The following FMN2 variants were observed in gnomAD, a reference collection of about 807,000 sequenced individuals.
FMN2 encodes formin 2, also known as formin-2.
In FMN2, 51 loss-of-function variants were observed where a neutral mutation model predicts 142.3. The observed-to-expected ratio is 0.36, with a 90% CI of 0.29 to 0.45. FMN2 has a LOEUF of 0.45. Among genes scored for constraint, FMN2 ranks in the 20% least tolerant of loss-of-function variants. FMN2 has a pLI of 1.00. For synonymous variants in FMN2, 882 were observed against 869.8 expected, an observed-to-expected ratio of 1.01 and a Z score of -0.25; for missense variants, 1,936 against 2,122.8, an observed-to-expected ratio of 0.91 and a Z score of 1.73.
chr1:240,446,767 T>A (rs945514), intron 16 of FMN2, among the ~76,000 whole-genome samples: 75,626 of 151,910 alleles, frequency 0.5, 19,296 homozygotes, highest in Admixed American at 0.57. Flanking sequence ...ATTTTTAAGA[T>A]AATCAAAAAC....
chr1:240,455,439 C>G (rs1676207886), intron 16 of FMN2, among the ~76,000 whole-genome samples: 1 of 152,082 alleles, frequency 6.6e-6, no homozygotes, highest in Non-Finnish European at 1.5e-5. Context: ...ATAACAATTG[C>G]TGAAGATGGT....
chr1:240,116,315 A>G (rs1326725471), intron 1 of FMN2, among the ~76,000 whole-genome samples: 2 of 152,174 alleles, frequency 1.3e-5, no homozygotes, highest in African/African-American at 4.8e-5. Flanking sequence ...GTGCGTTCAC[A>G]AAGGTCTGCC....
chr1:240,389,271 T>A (rs1307050032), intron 14 of FMN2, among the ~76,000 whole-genome samples: 1 of 152,190 alleles, frequency 6.6e-6, no homozygotes. Flanking sequence ...CATTAGAGAT[T>A]ATCTGAAAAT....
At chr1:240,156,009 C>A (rs1175117201) in intron 2 of FMN2, among the ~76,000 whole-genome samples, 1 of 151,712 alleles carries the variant, frequency 6.6e-6, no homozygotes, top group Non-Finnish European at 1.5e-5. Context: ...GAGCCTGAGG[C>A]AGGAGAATCC....
chr1:240,205,376 T>C (rs1255596975), intron 4 of FMN2, among the ~76,000 whole-genome samples: 1 of 151,544 alleles, frequency 6.6e-6, no homozygotes, highest in Non-Finnish European at 1.5e-5. Context: ...TCTTCCTTTC[T>C]CTCTATCAAT....
chr1:240,413,522 A>G (rs1393865386), intron 15 of FMN2, among the ~76,000 whole-genome samples: 1 of 152,162 alleles, frequency 6.6e-6, no homozygotes, highest in Admixed American at 6.5e-5. Flanking sequence ...TGGCTTAGGA[A>G]AGGCTAATAG....
rs189239186 is a variant in FMN2, at chr1:240,329,060, G to C, written c.4216-16G>C. On this transcript the variant is annotated splice_polypyrimidine_tract_variant and intron_variant, in intron 8 of 17. Transcript: ENST00000319653. The stretch of plus-strand genomic sequence containing the variant: ...TGGCCAGACTTTGAAAAACTATTTG[G>C]TTTTTGTTTTTCTAGAGAGCACAGT... The C allele has an allele frequency of 6.2e-7, 1 of 1,610,516 alleles. No individual in the cohort carries two copies. Among genetic ancestry groups the C allele is most frequent in the East Asian group, 2.2e-5 (1 of 44,762 alleles).
At chr1:240,106,872 C>T (rs370533245) in intron 1 of FMN2, among the ~76,000 whole-genome samples, 4 of 151,464 alleles carry the variant, frequency 2.6e-5, no homozygotes, top group Middle Eastern at 3.2e-3. Context: ...TTAGTAGAGA[C>T]GAGGTTTCAC....
At position 240,228,180 on chromosome 1, in the gene FMN2, A is replaced by G. The variant is rs551327027; in HGVS notation, c.4065+16945A>G. Among the ~76,000 whole-genome samples the G allele has an allele frequency of 2.0e-5, 3 of 151,458 alleles. No individual in the cohort carries two copies. In the South Asian group the frequency reaches 6.3e-4, roughly 32 times the overall value. On this transcript the variant is annotated intron_variant, in intron 6 of 17. Transcript: ENST00000319653. Reference sequence around the variant, plus strand: ...TAGCTAGGTGTGGTGGCACATGCCTATAATCCCAGCTACTCGGGAGTCTGA... The same window carrying G: ...TAGCTAGGTGTGGTGGCACATGCCTGTAATCCCAGCTACTCGGGAGTCTGA...
chr1:240,190,769 G>T (rs2124724), intron 4 of FMN2, among the ~76,000 whole-genome samples: 97,589 of 152,042 alleles, frequency 0.64, 32,353 homozygotes, highest in African/African-American at 0.81. Flanking sequence ...TTTATTATAT[G>T]TAAACTCTAC....
intron 16 of FMN2, among the ~76,000 whole-genome samples, chr1:240,439,279 A>AAAAAAAAAAAAAAGAAAGAAAG (rs555074808): frequency 8.0e-6 from 1 of 124,724 alleles, no homozygotes; most frequent in Non-Finnish European, 1.6e-5. Context: ...TCAAAAAAAA[A>AAAAAAAAAAAAAAGAAAGAAAG]AAAGAAAGAA....
intron 8 of FMN2, among the ~76,000 whole-genome samples, chr1:240,298,802 G>T (rs926874495): frequency 2.6e-5 from 4 of 152,136 alleles, no homozygotes; most frequent in Non-Finnish European, 5.9e-5. Context: ...TGCCAAAAAG[G>T]TTGGGGACCG....
At chr1:240,214,495 G>T (rs1371129762) in intron 6 of FMN2, among the ~76,000 whole-genome samples, 3 of 149,496 alleles carry the variant, frequency 2.0e-5, no homozygotes, top group African/African-American at 7.4e-5. Flanking sequence ...AGGTTGCAGT[G>T]AGCCGAGATC....
At chr1:240,433,452 T>C (rs74151676) in intron 15 of FMN2, among the ~76,000 whole-genome samples, 4,677 of 152,334 alleles carry the variant, frequency 0.031, 202 homozygotes, top group African/African-American at 0.11. Flanking sequence ...TGCATTTTAC[T>C]TGCATTTTCT....
At chr1:240,170,793 C>T (rs1486729998) in intron 2 of FMN2, 16 of 1,032,790 alleles carry the variant, frequency 1.5e-5, no homozygotes, top group South Asian at 3.8e-5. Context: ...TGACAGTTAT[C>T]GTGGGCGGTA....
intron 14 of FMN2, among the ~76,000 whole-genome samples, chr1:240,367,196 GTT>G (rs1457879634): frequency 1.3e-5 from 2 of 152,074 alleles, no homozygotes; most frequent in African/African-American, 4.8e-5. Context: ...GAAATCATGT[GTT>G]TTCACACATT....
At chr1:240,129,459 T>G (rs1662646105) in intron 2 of FMN2, among the ~76,000 whole-genome samples, 1 of 152,016 alleles carries the variant, frequency 6.6e-6, no homozygotes, top group African/African-American at 2.4e-5. Flanking sequence ...TTACCAAAAT[T>G]TATATAAGCT....
intron 4 of FMN2, among the ~76,000 whole-genome samples, chr1:240,194,902 T>C (rs563084113): frequency 2.4e-4 from 37 of 152,232 alleles, no homozygotes; most frequent in Non-Finnish European, 5.1e-4. Flanking sequence ...TGTGCCTTAG[T>C]TTTCTCATCT....
intron 14 of FMN2, 122 bp downstream of exon 14, chr1:240,356,030 C>T: frequency 3.2e-6 from 2 of 624,134 alleles, no homozygotes; most frequent in Non-Finnish European, 5.3e-6. Context: ...TTTAAAAGGG[C>T]TTATTTTGAC....
Sources: allele counts gnomAD v4.1 joint callset (sites outside exome capture counted in the v4.1 genomes callset), GRCh38; gene constraint gnomAD v4.1.1; transcripts MANE v1.5; gene names NCBI Gene and HGNC (gene_info 2026-07-23, HGNC 2026-07-21).